KMT2E: variants seen among roughly 807,000 people sequenced by gnomAD.
KMT2E encodes lysine methyltransferase 2E (inactive), also known as histone reader KMT2E.
In KMT2E, 30 loss-of-function variants were observed where a neutral mutation model predicts 184.6. The observed-to-expected ratio is 0.16, with a 90% CI of 0.12 to 0.22. The LOEUF (loss-of-function observed/expected upper bound fraction) is 0.22. KMT2E is among the 10% of genes least tolerant of loss of function. KMT2E has a pLI of 1.00. For synonymous variants in KMT2E, 815 were observed against 776.5 expected, an observed-to-expected ratio of 1.05 and a Z score of -0.82; for missense variants, 2,023 against 2,237.4, an observed-to-expected ratio of 0.90 and a Z score of 1.93.
intron 5 of KMT2E, among the ~76,000 whole-genome samples, chr7:105,065,781 C>G (rs1056280200): frequency 6.6e-6 from 1 of 151,942 alleles, no homozygotes; most frequent in Non-Finnish European, 1.5e-5. Context: ...AAAAGCAAAC[C>G]ATGGATAAGG....
chr7:105,028,028 C>T (rs1008489430), intron 1 of KMT2E, among the ~76,000 whole-genome samples: 1 of 152,052 alleles, frequency 6.6e-6, no homozygotes, highest in African/African-American at 2.4e-5. Context: ...TATCATTGGA[C>T]TGAATAATAC....
At chr7:105,100,645 A>T (rs1373350940) in intron 15 of KMT2E, among the ~76,000 whole-genome samples, 1 of 152,202 alleles carries the variant, frequency 6.6e-6, no homozygotes, top group African/African-American at 2.4e-5. Context: ...TTGAATTGTC[A>T]GTGAAGACAG....
intron 3 of KMT2E, among the ~76,000 whole-genome samples, chr7:105,047,870 T>A (rs550578822): frequency 6.6e-6 from 1 of 152,222 alleles, no homozygotes; most frequent in African/African-American, 2.4e-5. Flanking sequence ...CAACTCTGGT[T>A]GAAATGGAAG....
chr7:105,057,496 G>T (rs1240686956), intron 3 of KMT2E, among the ~76,000 whole-genome samples: 2 of 152,064 alleles, frequency 1.3e-5, no homozygotes, highest in Admixed American at 1.3e-4. Flanking sequence ...CCAGGCTGGA[G>T]TACAGTGACA....
At chr7:105,041,267 C>T (rs936234219) in intron 3 of KMT2E, among the ~76,000 whole-genome samples, 2 of 152,034 alleles carry the variant, frequency 1.3e-5, no homozygotes, top group African/African-American at 4.8e-5. Flanking sequence ...ATTGACATGA[C>T]TTATTTTGAC....
At chr7:105,055,517 T>G (rs562764776) in intron 3 of KMT2E, among the ~76,000 whole-genome samples, 1 of 152,350 alleles carries the variant, frequency 6.6e-6, no homozygotes, top group African/African-American at 2.4e-5. Flanking sequence ...TTCGTAAACT[T>G]CAGTGAACAT....
chr7:105,081,674 A>C lies in KMT2E; in HGVS notation c.1249-14A>C, dbSNP rs757540297. 8.1e-7 allele frequency: 1 copy of C among 1,231,448 alleles called. No individual in the cohort carries two copies. Among genetic ancestry groups the C allele is most frequent in the South Asian group, 1.3e-5 (1 of 77,540 alleles). The allele number at this position is 1,231,448 out of a possible 1,614,324, so 76.3% of individuals were successfully genotyped here. A position where few individuals can be genotyped will look rare whatever the true frequency, so the allele number is the denominator to read the frequency against. On this transcript the variant is annotated splice_polypyrimidine_tract_variant and intron_variant, in intron 12 of 26. Transcript: ENST00000311117. ...AAGTAATTTATGGTAATGTACAATT[A>C]TTTTAACTTTTAGGTGAGGCATGAA... is the stretch of plus-strand genomic sequence containing the variant.
chr7:105,037,292 A>T (rs6961668), intron 1 of KMT2E, among the ~76,000 whole-genome samples: 2 of 151,826 alleles, frequency 1.3e-5, no homozygotes, highest in Non-Finnish European at 2.9e-5. Context: ...AAATATTTTT[A>T]CTCATATTTT....
chr7:105,077,266 C>G (rs904147053), intron 10 of KMT2E, 37 bp from the exon 11 acceptor site: 1 of 1,601,508 alleles, frequency 6.2e-7, no homozygotes, highest in Non-Finnish European at 8.5e-7. Flanking sequence ...TGAAAACAAG[C>G]AAGTTTATTT....
chr7:105,068,064 A>T (rs1009303344), intron 6 of KMT2E, among the ~76,000 whole-genome samples: 3 of 152,074 alleles, frequency 2.0e-5, no homozygotes, highest in African/African-American at 7.2e-5. Flanking sequence ...GTTGATATTC[A>T]TCTCTCAAGT....
At chr7:105,017,440 T>G (rs1473976138) in intron 1 of KMT2E, among the ~76,000 whole-genome samples, 1 of 151,676 alleles carries the variant, frequency 6.6e-6, no homozygotes, top group Non-Finnish European at 1.5e-5. Flanking sequence ...TTTTGTTTTT[T>G]TTTTTGATGT....
chr7:105,027,483 T>G (rs1795220359), intron 1 of KMT2E, among the ~76,000 whole-genome samples: 1 of 152,202 alleles, frequency 6.6e-6, no homozygotes, highest in African/African-American at 2.4e-5. Flanking sequence ...TTTCAGAGAT[T>G]GTGTGCTTTT....
chr7:105,074,810 A>G lies in KMT2E; in HGVS notation c.724A>G (p.Lys242Glu), dbSNP rs1797460295. ...GAAAGAACAACACATTTCAAAATGT[A>G]AAAAGGTACGTTTTTGCTTGTTTTT... ...GEKEQHISKC[K>E]KAFREGSRKS... Residue 242 changes from lysine (K) to glutamate (E), a missense_variant, in exon 8 of 27, where the codon AAA becomes GAA. Physicochemically the swap from Lys to Glu is moderately conservative, Grantham distance 56. This residue lies in a region of KMT2E where 191 missense variants were observed against 209.0 expected (regional missense o/e 0.91). Transcript: ENST00000311117. 2 of 1,600,252 alleles carry G rather than the reference A, an allele frequency of 1.2e-6. No homozygotes were observed. The highest frequency in any genetic ancestry group is 1.7e-5 in the Admixed American group (1 of 57,160).
At chr7:105,085,099 A>G (rs948600057) in intron 13 of KMT2E, among the ~76,000 whole-genome samples, 2 of 151,944 alleles carry the variant, frequency 1.3e-5, no homozygotes, top group South Asian at 2.1e-4. Context: ...AATTGTTGCA[A>G]TTGTTGCAAA....
At position 105,077,061 on chromosome 7, in the gene KMT2E, C is replaced by T. The variant is rs761064923; in HGVS notation, c.867C>T (p.Asn289=). 8.1e-6 allele frequency: 13 copies of T among 1,613,796 alleles called. 1 individual carries two copies. In the South Asian group the frequency reaches 1.3e-4, roughly 16 times the overall value. Residue 289 remains asparagine (N), a synonymous_variant, in exon 10 of 27, where the codon AAC becomes AAT. Transcript: ENST00000311117. The stretch of plus-strand genomic sequence containing the variant: ...TGGATCGATATGAAGAAGCAAATAA[C>T]AACCAGTACAGTGAGGGTGTTCAGA... ...AWMDRYEEAN[N]NQYSEGVQRE...
At chr7:105,098,819 A>G (rs756307088) in intron 15 of KMT2E, among the ~76,000 whole-genome samples, 7 of 152,188 alleles carry the variant, frequency 4.6e-5, no homozygotes, top group Non-Finnish European at 1.0e-4. Flanking sequence ...AAACTAAGAC[A>G]TATGTCATAA....
intron 3 of KMT2E, among the ~76,000 whole-genome samples, chr7:105,054,783 A>AG (rs1473361451): frequency 6.6e-6 from 1 of 152,046 alleles, no homozygotes; most frequent in East Asian, 1.9e-4. Flanking sequence ...CCAAAGTGCT[A>AG]GGATTACAGG....
chr7:105,057,815 G>T (rs370321531), intron 3 of KMT2E, among the ~76,000 whole-genome samples: 4 of 152,088 alleles, frequency 2.6e-5, no homozygotes, highest in African/African-American at 7.2e-5. Flanking sequence ...GTATTATTCA[G>T]TATCTATCAC....
intron 5 of KMT2E, chr7:105,063,801 T>G (rs1344211209): frequency 1.7e-5 from 9 of 528,918 alleles, no homozygotes; most frequent in Non-Finnish European, 2.7e-5. Flanking sequence ...GTTCTGAACT[T>G]TTTTTCATGT....
Sources: gnomAD v4.1 joint callset for allele counts (sites outside exome capture counted in the v4.1 genomes callset) on GRCh38, gnomAD v4.1.1 for gene constraint, gnomAD v4.1.1 regional missense constraint, MANE v1.5 for transcripts, NCBI Gene and HGNC (gene_info 2026-07-23, HGNC 2026-07-21) for gene names.